The following PHF20L1 variants were observed in gnomAD, a reference collection of about 807,000 sequenced individuals.
The protein encoded by PHF20L1 is PHD finger protein 20 like 1.
Under a neutral mutation model 125.5 loss-of-function variants are expected in PHF20L1, and 44 were observed. That is an observed-to-expected ratio of 0.35 (90% confidence interval 0.28 to 0.45). The LOEUF (loss-of-function observed/expected upper bound fraction) is 0.45, where lower values mean the gene tolerates loss of function less well. Among genes scored for constraint, PHF20L1 ranks in the 20% least tolerant of loss-of-function variants. PHF20L1 has a pLI of 1.00. For synonymous variants in PHF20L1, 380 were observed against 403.1 expected (o/e 0.94, Z 0.69); for missense variants, 1,012 against 1,217.2 (o/e 0.83, Z 2.51).
intron 6 of PHF20L1, chr8:132,799,585 A>G (rs1832801844): frequency 6.5e-6 from 1 of 154,082 alleles, no homozygotes; most frequent in Admixed American, 6.5e-5. Context: ...ACCTGGACCT[A>G]CAATTAATTT....
At chr8:132,788,528 T>C (rs1437581324) in intron 2 of PHF20L1, among the ~76,000 whole-genome samples, 6 of 152,048 alleles carry the variant, frequency 3.9e-5, no homozygotes, top group Non-Finnish European at 8.8e-5. Context: ...GAGGTAGTTA[T>C]CAACTCTATC....
At chr8:132,792,335 G>A (rs568213368) in intron 2 of PHF20L1, among the ~76,000 whole-genome samples, 85 of 152,118 alleles carry the variant, frequency 5.6e-4, no homozygotes, top group African/African-American at 1.8e-3. Flanking sequence ...AAAAACCAGG[G>A]CAACAAAAAC....
intron 4 of PHF20L1, among the ~76,000 whole-genome samples, chr8:132,798,385 C>T (rs576508818): frequency 1.3e-5 from 2 of 151,988 alleles, no homozygotes; most frequent in African/African-American, 4.8e-5. Context: ...TGTATTACTT[C>T]TTTTGAAAGA....
chr8:132,782,469 G>A (rs1411320183), intron 2 of PHF20L1, among the ~76,000 whole-genome samples: 1 of 152,162 alleles, frequency 6.6e-6, no homozygotes, highest in Non-Finnish European at 1.5e-5. Flanking sequence ...AAATCTTTGG[G>A]GATCTGAAGA....
chr8:132,821,517 T>C (rs1835593396), intron 12 of PHF20L1, among the ~76,000 whole-genome samples: 1 of 151,940 alleles, frequency 6.6e-6, no homozygotes, highest in African/African-American at 2.4e-5. Context: ...TTAAATTGTT[T>C]TTCAGTTTAT....
intron 12 of PHF20L1, among the ~76,000 whole-genome samples, chr8:132,821,332 A>T (rs534576910): frequency 2.6e-5 from 4 of 152,036 alleles, no homozygotes; most frequent in Non-Finnish European, 5.9e-5. Context: ...GGTTAATATA[A>T]TCCATTTTAT....
chr8:132,836,408 A>G, intron 15 of PHF20L1, 132 bp from the exon 16 acceptor site: 1 of 627,640 alleles, frequency 1.6e-6, no homozygotes, highest in South Asian at 2.0e-5. Flanking sequence ...ACAGTACAGT[A>G]TTCTTATTTG....
chr8:132,810,657 G>C (rs1834279810), intron 8 of PHF20L1: 1 of 157,312 alleles, frequency 6.4e-6, no homozygotes, highest in Non-Finnish European at 1.4e-5. Context: ...TGTTTGGAAG[G>C]ATTTCTTCTG....
At chr8:132,825,131 T>G in intron 13 of PHF20L1, 133 bp from the exon 14 acceptor site, 1 of 1,546,728 alleles carries the variant, frequency 6.5e-7, no homozygotes, top group Non-Finnish European at 8.8e-7. Context: ...CATGAACAGT[T>G]TAATTGAACC....
chr8:132,814,749 G>C lies in PHF20L1; in HGVS notation c.1043G>C (p.Arg348Pro), dbSNP rs775424121. ...TCAACTTTGTCTTCAGGGAAGGCTC[G>C]CAGCAAGAAATGCAAACATGAATCT... ...LSSTLSSGKARSKKCKHESGD... is the reference protein window; with the variant it reads ...LSSTLSSGKAPSKKCKHESGD... The change falls in exon 10 of 21, where the codon CGC (arginine) becomes CCC (proline). Residue 348 changes from arginine (R) to proline (P), a missense_variant. By Grantham distance (103) the Arg-to-Pro change is moderately radical. Coordinates refer to ENST00000395386, the MANE Select transcript of PHF20L1 (RefSeq NM_016018.5). 6.2e-7 allele frequency: 1 copy of C among 1,612,916 alleles called. No homozygotes were observed. The highest frequency in any genetic ancestry group is 8.5e-7 in the Non-Finnish European group (1 of 1,179,220).
rs941159961 is a variant in PHF20L1, at chr8:132,775,392, C to A, written c.-291C>A. 2.6e-6 allele frequency: 1 copy of A among 378,972 alleles called. No homozygotes were observed. Among genetic ancestry groups the A allele is most frequent in the Non-Finnish European group, 4.6e-6 (1 of 216,096 alleles). 23.5% of individuals were successfully genotyped at this position (378,972 alleles called of 1,614,324 possible). ...GCCGGGGCCCGGCGTCGCGTCAGGG[C>A]TGGCCGGCGGCGGAGGCGGCGGCGG... On this transcript the variant is annotated 5_prime_UTR_variant, in exon 1 of 21. In the 5' UTR this introduces an upstream ATG that the reference lacks. Coordinates refer to ENST00000395386, the MANE Select transcript of PHF20L1 (RefSeq NM_016018.5).
intron 19 of PHF20L1, 186 bp downstream of exon 19, chr8:132,843,061 A>G (rs1838090426): frequency 1.5e-6 from 2 of 1,331,174 alleles, no homozygotes; most frequent in South Asian, 2.2e-5. Context: ...ACATTTGATT[A>G]TCTCCTAATT....
At position 132,817,472 on chromosome 8, in the gene PHF20L1, A is replaced by C; in HGVS notation, c.1506A>C (p.Lys502Asn). 7 of 1,612,594 alleles carry C rather than the reference A, an allele frequency of 4.3e-6. No homozygotes were observed. The highest frequency in any genetic ancestry group is 5.1e-6 in the Non-Finnish European group (6 of 1,179,186). The change falls in exon 12 of 21, where the codon AAA becomes AAC. Residue 502 changes from lysine (K) to asparagine (N), a missense_variant. Lys to Asn is a moderately conservative substitution (Grantham distance 94, BLOSUM62 0). Coordinates refer to ENST00000395386, the MANE Select transcript of PHF20L1 (RefSeq NM_016018.5). Reference protein sequence around the residue: ...SYRNECPRAEKEDTQMLPNPS... With the variant: ...SYRNECPRAENEDTQMLPNPS... Reference sequence around the variant, plus strand: ...GTAATGAATGTCCCAGGGCAGAAAAAGAGGATACACAGATGCTTCCAAATC... The same window carrying C: ...GTAATGAATGTCCCAGGGCAGAAAACGAGGATACACAGATGCTTCCAAATC...
At chr8:132,781,643 G>T (rs1406955021) in intron 2 of PHF20L1, among the ~76,000 whole-genome samples, 1 of 152,144 alleles carries the variant, frequency 6.6e-6, no homozygotes, top group African/African-American at 2.4e-5. Context: ...ATGTTGTCTG[G>T]GATAGTCTCC....
chr8:132,819,787 CTG>C (rs1001087897), intron 12 of PHF20L1, among the ~76,000 whole-genome samples: 2 of 151,804 alleles, frequency 1.3e-5, no homozygotes, highest in African/African-American at 4.8e-5. Flanking sequence ...AATTTTAAAA[CTG>C]ATAATTGAAA....
At chr8:132,840,679 G>A (rs1334934673) in intron 18 of PHF20L1, among the ~76,000 whole-genome samples, 1 of 151,912 alleles carries the variant, frequency 6.6e-6, no homozygotes, top group South Asian at 2.1e-4. Context: ...ATCGCTCTAG[G>A]CCTTTACTCA....
At chr8:132,776,630 C>G (rs1041787449) in intron 1 of PHF20L1, among the ~76,000 whole-genome samples, 1 of 152,126 alleles carries the variant, frequency 6.6e-6, no homozygotes, top group Admixed American at 6.5e-5. Flanking sequence ...TTTTCCCTTA[C>G]CTATCAGACT....
At position 132,844,265 on chromosome 8, in the gene PHF20L1, A is replaced by T. The variant is rs1402315655; in HGVS notation, c.2858A>T (p.Asn953Ile). 6 of 1,612,746 alleles carry T rather than the reference A, an allele frequency of 3.7e-6. No homozygotes were observed. Among genetic ancestry groups the T allele is most frequent in the Non-Finnish European group, 5.1e-6 (6 of 1,179,144 alleles). The stretch of plus-strand genomic sequence containing the variant: ...CTCAATCTCCTTACACACATAGAAA[A>T]TGTGCAGAACGAAGTTACCAGCAGG... ...WQLNLLTHIENVQNEVTSRMD... is the reference protein window; with the variant it reads ...WQLNLLTHIEIVQNEVTSRMD... Residue 953 changes from asparagine to isoleucine, a missense_variant, in exon 20 of 21, where the codon AAT becomes ATT. By Grantham distance (149) the Asn-to-Ile change is moderately radical. This residue lies in a region of PHF20L1 where 277 missense variants were observed against 283.6 expected (regional missense o/e 0.98). Coordinates refer to ENST00000395386, the MANE Select transcript of PHF20L1 (RefSeq NM_016018.5).
At chr8:132,783,177 TCTGA>T (rs1563778041) in intron 2 of PHF20L1, among the ~76,000 whole-genome samples, 1 of 152,310 alleles carries the variant, frequency 6.6e-6, no homozygotes, top group South Asian at 2.1e-4. Context: ...GATATGCTCC[TCTGA>T]CTCTTTTGGA....
Sources: allele counts gnomAD v4.1 joint callset (sites outside exome capture counted in the v4.1 genomes callset), GRCh38; gene constraint gnomAD v4.1.1; regional missense constraint gnomAD v4.1.1; transcripts MANE v1.5; gene names NCBI Gene and HGNC (gene_info 2026-07-23, HGNC 2026-07-21).